The following RNF169 variants were observed in gnomAD, a reference collection of about 807,000 sequenced individuals.
RNF169 encodes ring finger protein 169.
RNF169 carries 24 observed loss-of-function variants against 53.9 expected under a neutral mutation model. The observed-to-expected ratio is 0.45, with a 90% CI of 0.32 to 0.63. RNF169 has a LOEUF of 0.63. RNF169 is among the 20% of genes least tolerant of loss of function. The pLI is 0.04. For synonymous variants in RNF169, 396 were observed against 363.5 expected, an observed-to-expected ratio of 1.09 and a Z score of -1.02; for missense variants, 883 against 906.2, an observed-to-expected ratio of 0.97 and a Z score of 0.33.
At chr11:74,782,625 C>T (rs946010601) in intron 1 of RNF169, among the ~76,000 whole-genome samples, 5 of 152,176 alleles carry the variant, frequency 3.3e-5, no homozygotes, top group Non-Finnish European at 7.4e-5. Context: ...TGGATGGCCC[C>T]TTATGGCATG....
chr11:74,789,840 T>C lies in RNF169; in HGVS notation c.576+141T>C, dbSNP rs2035555740. 4 of 483,126 alleles carry C rather than the reference T, an allele frequency of 8.3e-6. No homozygotes were observed. In the South Asian group the frequency reaches 1.2e-4, roughly 15 times the overall value. The allele number at this position is 483,126 out of a possible 1,614,324, so 29.9% of individuals were successfully genotyped here. A position where few individuals can be genotyped will look rare whatever the true frequency, so the allele number is the denominator to read the frequency against. ...TCACACTGCCTTATACCAGCCTAGTTAGATTTGGAGCTATAATGGCAGCAG... is the reference window on the plus strand; with the variant it reads ...TCACACTGCCTTATACCAGCCTAGTCAGATTTGGAGCTATAATGGCAGCAG... On this transcript the variant is annotated intron_variant, in intron 2 of 5. Coordinates refer to ENST00000299563, the MANE Select transcript of RNF169 (RefSeq NM_001098638.2).
chr11:74,761,858 T>C (rs2035088816), intron 1 of RNF169, among the ~76,000 whole-genome samples: 1 of 146,972 alleles, frequency 6.8e-6, no homozygotes, highest in African/African-American at 2.6e-5. Flanking sequence ...CCTGCCTTGC[T>C]AGATTGGGGA....
intron 1 of RNF169, among the ~76,000 whole-genome samples, chr11:74,755,985 G>C (rs2034976132): frequency 6.6e-6 from 1 of 152,132 alleles, no homozygotes; most frequent in African/African-American, 2.4e-5. Flanking sequence ...AATATATATT[G>C]GTTGGAAGAG....
At chr11:74,760,180 G>T (rs2035057977) in intron 1 of RNF169, among the ~76,000 whole-genome samples, 1 of 151,140 alleles carries the variant, frequency 6.6e-6, no homozygotes, top group Non-Finnish European at 1.5e-5. Context: ...TTTTTATTGT[G>T]TCTATTTGAT....
In RNF169 at chr11:74,835,811, G is replaced by C. The variant is rs1298404721; in HGVS notation, c.1208G>C (p.Ser403Thr). 5 of 1,614,186 alleles carry C rather than the reference G, an allele frequency of 3.1e-6. No individual in the cohort carries two copies. In the Admixed American group the frequency reaches 8.3e-5, roughly 27 times the overall value. ...PKRLPDGRVL[S>T]PLIIKSTPRN... ...AGACTCCCTGATGGCCGTGTGCTAA[G>C]TCCTCTCATCATCAAATCAACTCCA... Residue 403 changes from serine (S) to threonine (T), a missense_variant, in exon 6 of 6, where the codon AGT becomes ACT. By Grantham distance (58) the Ser-to-Thr change is moderately conservative. Coordinates refer to ENST00000299563, the MANE Select transcript of RNF169 (RefSeq NM_001098638.2).
intron 4 of RNF169, among the ~76,000 whole-genome samples, chr11:74,828,339 C>T (rs1368638480): frequency 6.6e-6 from 1 of 152,148 alleles, no homozygotes; most frequent in African/African-American, 2.4e-5. Flanking sequence ...ATGACCCAAA[C>T]AAATGGAAAA....
Position 74,810,293 on chromosome 11 carries a change from G to A in RNF169, c.686G>A (p.Arg229Lys). The change falls in exon 3 of 6, where the codon AGA (arginine) becomes AAA (lysine). Residue 229 changes from arginine (R) to lysine (K), a missense_variant. Physicochemically the swap from Arg to Lys is conservative, Grantham distance 26 (BLOSUM62 2). This residue lies in a region of RNF169 where 219 missense variants were observed against 289.1 expected (regional missense o/e 0.76). Coordinates refer to ENST00000299563, the MANE Select transcript of RNF169 (RefSeq NM_001098638.2). ...GKRKMDEQKKRDEPLVLKTNL... is the reference protein window; with the variant it reads ...GKRKMDEQKKKDEPLVLKTNL... The stretch of plus-strand genomic sequence containing the variant: ...AGGAAAATGGATGAACAGAAAAAAA[G>A]AGATGAACCATTAGTACTGAAAACA... The A allele has an allele frequency of 6.2e-7, 1 of 1,613,840 alleles. No individual in the cohort carries two copies. Among genetic ancestry groups the A allele is most frequent in the Non-Finnish European group, 8.5e-7 (1 of 1,179,846 alleles).
chr11:74,750,785 G>T (rs2034877925), intron 1 of RNF169, among the ~76,000 whole-genome samples: 1 of 146,786 alleles, frequency 6.8e-6, no homozygotes, highest in Non-Finnish European at 1.5e-5. Context: ...TGTATTTTTA[G>T]TACAGATGAG....
intron 4 of RNF169, among the ~76,000 whole-genome samples, chr11:74,826,196 T>TG (rs954666053): frequency 1.4e-4 from 22 of 152,090 alleles, no homozygotes; most frequent in African/African-American, 5.3e-4. Context: ...TGTGGTGACA[T>TG]GCACCTGTAA....
intron 2 of RNF169, among the ~76,000 whole-genome samples, chr11:74,800,272 A>T (rs536031031): frequency 8.5e-5 from 13 of 152,134 alleles, no homozygotes; most frequent in Non-Finnish European, 1.8e-4. Context: ...CCAGATTCAA[A>T]TCAGGGTTTA....
At chr11:74,762,829 G>A (rs1165096771) in intron 1 of RNF169, among the ~76,000 whole-genome samples, 1 of 152,126 alleles carries the variant, frequency 6.6e-6, no homozygotes, top group Admixed American at 6.5e-5. Flanking sequence ...TGGAACTACC[G>A]ACCAAAACTG....
intron 1 of RNF169, among the ~76,000 whole-genome samples, chr11:74,762,056 A>T (rs953137160): frequency 7.1e-6 from 1 of 140,502 alleles, no homozygotes; most frequent in Non-Finnish European, 1.5e-5. Context: ...CATTCATTTC[A>T]TCTTCCATCG....
rs557885881 is a variant in RNF169 at position 74,765,112 on chromosome 11, G to A, written c.502+15730G>A. 1.6e-4 allele frequency among the ~76,000 whole-genome samples: 25 copies of A among 152,292 alleles called. No individual in the cohort carries two copies. The Middle Eastern group carries it at 0.01, about 62-fold the overall frequency. On this transcript the variant is annotated intron_variant, in intron 1 of 5. Coordinates refer to ENST00000299563, the MANE Select transcript of RNF169 (RefSeq NM_001098638.2). ...TGGTCCCAGCAATACAGGAGGCTGA[G>A]GCAGGAGGACTGCTTGAGCCCAGGA...
intron 4 of RNF169, among the ~76,000 whole-genome samples, chr11:74,823,347 C>G (rs2036043797): frequency 1.3e-5 from 2 of 152,076 alleles, no homozygotes; most frequent in African/African-American, 2.4e-5. Flanking sequence ...TCCATAAAAG[C>G]AATAATAATT....
rs192754143 is a variant in RNF169, at chr11:74,834,827, C to G, written c.942+52C>G. On this transcript the variant is annotated intron_variant, in intron 5 of 5. Coordinates refer to ENST00000299563, the MANE Select transcript of RNF169 (RefSeq NM_001098638.2). ...GCTTGTGAGGCTTGCCCCATCACCC[C>G]CTCTGCACATGGTCATGAAATAAAC... 1,049 of 1,198,036 alleles carry G rather than the reference C, an allele frequency of 8.8e-4. 3 individuals carry two copies. The highest frequency in any genetic ancestry group is 1.1e-3 in the Non-Finnish European group (925 of 815,418). 74.2% of individuals were successfully genotyped at this position (1,198,036 alleles called of 1,614,324 possible).
chr11:74,820,966 C>T (rs993076463), intron 4 of RNF169, among the ~76,000 whole-genome samples: 8 of 152,122 alleles, frequency 5.3e-5, no homozygotes, highest in African/African-American at 1.9e-4. Context: ...TGTGACATCA[C>T]TGTTTTACAG....
At chr11:74,782,442 C>G (rs1160674731) in intron 1 of RNF169, among the ~76,000 whole-genome samples, 1 of 152,122 alleles carries the variant, frequency 6.6e-6, no homozygotes, top group Non-Finnish European at 1.5e-5. Context: ...ACTGTGCATG[C>G]AAGGGATCTA....
At chr11:74,818,080 G>A (rs1474640439) in intron 4 of RNF169, among the ~76,000 whole-genome samples, 1 of 152,158 alleles carries the variant, frequency 6.6e-6, no homozygotes, top group Non-Finnish European at 1.5e-5. Context: ...TCAATGCCTA[G>A]ACCTAAAATA....
intron 4 of RNF169, among the ~76,000 whole-genome samples, chr11:74,822,759 A>G (rs1009345841): frequency 5.4e-4 from 82 of 152,364 alleles, no homozygotes; most frequent in African/African-American, 1.9e-3. Flanking sequence ...CACTTAGCAC[A>G]GTGCCTGACA....
Sources: allele counts gnomAD v4.1 joint callset (sites outside exome capture counted in the v4.1 genomes callset), GRCh38; gene constraint gnomAD v4.1.1; regional missense constraint gnomAD v4.1.1; transcripts MANE v1.5; gene names NCBI Gene and HGNC (gene_info 2026-07-23, HGNC 2026-07-21).